DPEP1: variants seen among roughly 807,000 people sequenced by gnomAD.
The protein encoded by DPEP1 is beta-lactamase.
Under a neutral mutation model 42.3 loss-of-function variants are expected in DPEP1, and 50 were observed. The ratio of observed to expected loss-of-function variants is 1.18; its 90% CI spans 0.94 to 1.50. The LOEUF (loss-of-function observed/expected upper bound fraction) is 1.50, where lower values mean the gene tolerates loss of function less well. DPEP1 is among the 40% of genes most tolerant of loss of function. DPEP1 has a pLI of 0.00. For synonymous variants in DPEP1, 297 were observed against 234.0 expected (o/e 1.27, Z -2.46); for missense variants, 663 against 553.0 (o/e 1.20, Z -1.99).
At chr16:89,639,098 CA>C (rs2059722528), downstream of DPEP1, among the ~76,000 whole-genome samples, 1 of 47,048 alleles carries the variant, frequency 2.1e-5, no homozygotes. Flanking sequence ...TGCACACACA[CA>C]CCCCCACCCC....
At chr16:89,627,814 C>T (rs1251602555) in intron 1 of DPEP1, among the ~76,000 whole-genome samples, 1 of 151,606 alleles carries the variant, frequency 6.6e-6, no homozygotes, top group Non-Finnish European at 1.5e-5. Context: ...CAAGGGCCAC[C>T]ATGCCCAGTA....
intron 2 of DPEP1, among the ~76,000 whole-genome samples, chr16:89,632,069 G>A (rs901348292): frequency 6.6e-6 from 1 of 152,104 alleles, no homozygotes; most frequent in Non-Finnish European, 1.5e-5. Context: ...TTGAGACAGA[G>A]TCTCACTCTG....
At chr16:89,632,535 C>T (rs963991292) in intron 2 of DPEP1, among the ~76,000 whole-genome samples, 12 of 152,340 alleles carry the variant, frequency 7.9e-5, no homozygotes, top group Middle Eastern at 3.4e-3. Context: ...AGTCTCCCCA[C>T]GAACAGCTGC....
downstream of DPEP1, among the ~76,000 whole-genome samples, chr16:89,641,510 T>A (rs996404040): frequency 1.3e-5 from 2 of 152,214 alleles, no homozygotes; most frequent in African/African-American, 4.8e-5. Flanking sequence ...ATTATTATAA[T>A]ATTGGAATAA....
At position 89,638,184 on chromosome 16, in the gene DPEP1, TC is replaced by T; in HGVS notation, c.1201del (p.Leu401SerfsTer76). 1 of 1,595,656 alleles carries T rather than the reference TC, an allele frequency of 6.3e-7. No homozygotes were observed. On this transcript the variant is annotated frameshift_variant, in exon 11 of 11. Coordinates refer to ENST00000690203, the MANE Select transcript of DPEP1 (RefSeq NM_001389466.1). LOFTEE classifies it low-confidence loss of function (END_TRUNC). The part of the protein sequence containing the change: ...LHRHWGLLLA[S>X]LAPLVLCLSL... ...TCGCCACTGGGGGCTCCTGCTGGCC[TC>T]CCTCGCTCCCCTGGTCCTCTGTCTG...
In DPEP1 at chr16:89,636,294, C is replaced by T; in HGVS notation, c.268C>T (p.Gln90Ter). 6.2e-7 allele frequency: 1 copy of T among 1,611,662 alleles called. No individual in the cohort carries two copies. Among genetic ancestry groups the T allele is most frequent in the Non-Finnish European group, 8.5e-7 (1 of 1,179,600 alleles). ...GTCCGTGTACACGCCCTGCGACACC[C>T]AGAACAAAGACGCCGTGCGGAGGAC... is the stretch of plus-strand genomic sequence containing the variant. ...FWSVYTPCDT[Q>*]NKDAVRRTLE... The change falls in exon 4 of 11, where the codon CAG (glutamine) becomes TAG (stop). Residue 90 changes from glutamine to a stop codon, truncating the protein, a stop_gained. Transcript: ENST00000690203. LOFTEE classifies it high-confidence loss of function.
intron 2 of DPEP1, among the ~76,000 whole-genome samples, chr16:89,634,088 CTTCTT>C (rs1370061765): frequency 1.6e-4 from 13 of 81,948 alleles, no homozygotes; most frequent in African/African-American, 4.1e-4. Context: ...CTCTTCTCTT[CTTCTT>C]TTTTTTTTTT....
At chr16:89,637,166 TGG>T (rs762225745) in intron 6 of DPEP1, 36 bp from the exon 7 acceptor site, 15 of 1,600,226 alleles carry the variant, frequency 9.4e-6, no homozygotes, top group Non-Finnish European at 1.0e-5. Flanking sequence ...GCCCCGACCC[TGG>T]GGGCTGTGAG....
upstream of DPEP1, chr16:89,613,541 T>C (rs1164431667): frequency 6.6e-6 from 1 of 152,470 alleles, no homozygotes; most frequent in Admixed American, 6.5e-5. Flanking sequence ...ATTTCCCTCC[T>C]CTTTCTACTT....
intron 2 of DPEP1, among the ~76,000 whole-genome samples, chr16:89,631,117 AG>A (rs1453474503): frequency 2.6e-5 from 4 of 151,870 alleles, no homozygotes; most frequent in African/African-American, 9.7e-5. Context: ...GGCACCCTAC[AG>A]GCCCTCTCAG....
chr16:89,637,039 C>T (rs1247612446), intron 6 of DPEP1, 104 bp downstream of exon 6: 5 of 1,541,564 alleles, frequency 3.2e-6, no homozygotes, highest in Non-Finnish European at 3.5e-6. Flanking sequence ...GTGTCCTTGT[C>T]TGTAAAATGG....
At position 89,638,175 on chromosome 16, in the gene DPEP1, C is replaced by T. The variant is rs754355456; in HGVS notation, c.1189C>T (p.Leu397=). 3 of 1,602,636 alleles carry T rather than the reference C, an allele frequency of 1.9e-6. No individual in the cohort carries two copies. Among genetic ancestry groups the T allele is most frequent in the Non-Finnish European group, 2.6e-6 (3 of 1,173,240 alleles). ...ASSLHRHWGL[L]LASLAPLVLC... is the part of the protein sequence containing the mutation. ...CAGCCTCCATCGCCACTGGGGGCTC[C>T]TGCTGGCCTCCCTCGCTCCCCTGGT... Residue 397 remains leucine (L), a synonymous_variant, in exon 11 of 11, where the codon CTG becomes TTG. Coordinates refer to ENST00000690203, the MANE Select transcript of DPEP1 (RefSeq NM_001389466.1).
intron 2 of DPEP1, among the ~76,000 whole-genome samples, chr16:89,633,287 C>T (rs1597764935): frequency 6.6e-6 from 1 of 152,252 alleles, no homozygotes; most frequent in East Asian, 1.9e-4. Flanking sequence ...TGTGGACTCG[C>T]TGTGGCCAGG....
At chr16:89,629,251 G>A (rs116491212) in intron 1 of DPEP1, among the ~76,000 whole-genome samples, 3,390 of 152,180 alleles carry the variant, frequency 0.022, 132 homozygotes, top group African/African-American at 0.075. Flanking sequence ...TGTAATCCCC[G>A]CAGTTTGAGA....
At chr16:89,628,946 C>A (rs2059550574) in intron 1 of DPEP1, among the ~76,000 whole-genome samples, 2 of 152,020 alleles carry the variant, frequency 1.3e-5, no homozygotes, top group East Asian at 1.9e-4. Flanking sequence ...CCTGCCTCAG[C>A]CTCCTGAGTA....
chr16:89,627,465 C>G (rs1388602211), intron 1 of DPEP1, among the ~76,000 whole-genome samples: 4 of 151,068 alleles, frequency 2.6e-5, no homozygotes, highest in Non-Finnish European at 5.9e-5. Flanking sequence ...CGCCTGTAAT[C>G]CCAGCTACTC....
downstream of DPEP1, chr16:89,638,601 C>G (rs1253773441): frequency 1.5e-6 from 1 of 684,818 alleles, no homozygotes; most frequent in Non-Finnish European, 1.9e-6. Context: ...GCTTGAGCGT[C>G]TTTAGGGACA....
intron 9 of DPEP1, 22 bp from the exon 10 acceptor site, chr16:89,637,814 G>C: frequency 6.2e-7 from 1 of 1,612,672 alleles, no homozygotes; most frequent in Non-Finnish European, 8.5e-7. Flanking sequence ...TGGGGGCCCA[G>C]GTTCTCCTGG....
chr16:89,620,118 T>A (rs2059430525), intron 1 of DPEP1, among the ~76,000 whole-genome samples: 2 of 151,646 alleles, frequency 1.3e-5, no homozygotes, highest in Admixed American at 1.3e-4. Flanking sequence ...CGAAAGCCCG[T>A]GTGGCTTTGC....
Sources: allele counts gnomAD v4.1 joint callset (sites outside exome capture counted in the v4.1 genomes callset), GRCh38; gene constraint gnomAD v4.1.1; transcripts MANE v1.5; gene names NCBI Gene and HGNC (gene_info 2026-07-23, HGNC 2026-07-21).